PPFIA2: variants seen among roughly 807,000 people sequenced by gnomAD.
PPFIA2 encodes liprin-alpha-2.
PPFIA2 carries 46 observed loss-of-function variants against 175.5 expected under a neutral mutation model. The ratio of observed to expected loss-of-function variants is 0.26; its 90% CI spans 0.21 to 0.34. The LOEUF (loss-of-function observed/expected upper bound fraction) is 0.34, where lower values mean the gene tolerates loss of function less well. Ranked by LOEUF, PPFIA2 falls within the 10% of genes least tolerant of loss-of-function variation. The pLI, the probability that PPFIA2 is intolerant of heterozygous loss-of-function variation, is 1.00. For missense variants in PPFIA2, 1,179 were observed against 1,506.1 expected (o/e 0.78, Z 3.60); for synonymous variants, 568 against 511.4 (o/e 1.11, Z -1.49).
intron 4 of PPFIA2, among the ~76,000 whole-genome samples, chr12:81,642,292 A>G (rs573741136): frequency 3.9e-5 from 6 of 152,034 alleles, no homozygotes; most frequent in Non-Finnish European, 7.4e-5. Context: ...GATTAGCTCC[A>G]GTTATAGAAC....
chr12:81,589,800 C>T (rs1191845486), intron 4 of PPFIA2, among the ~76,000 whole-genome samples: 2 of 151,962 alleles, frequency 1.3e-5, no homozygotes, highest in Non-Finnish European at 1.5e-5. Context: ...ATCATGACAA[C>T]TCATCTGCAT....
At chr12:81,340,556 CTT>C (rs1156950104) in intron 20 of PPFIA2, among the ~76,000 whole-genome samples, 1 of 152,028 alleles carries the variant, frequency 6.6e-6, no homozygotes, top group Non-Finnish European at 1.5e-5. Flanking sequence ...TCCATCTAGA[CTT>C]ATCTTTTTAT....
At chr12:81,422,457 G>A (rs1272603079) in intron 7 of PPFIA2, among the ~76,000 whole-genome samples, 3 of 152,058 alleles carry the variant, frequency 2.0e-5, no homozygotes, top group Admixed American at 2.0e-4. Context: ...GGAAAGCAGA[G>A]TGAAAAACCT....
intron 16 of PPFIA2, among the ~76,000 whole-genome samples, chr12:81,357,780 T>C (rs1176454592): frequency 6.6e-6 from 1 of 152,148 alleles, no homozygotes; most frequent in Non-Finnish European, 1.5e-5. Context: ...ATTACTTTGC[T>C]ACCTGTGCAA....
chr12:81,499,704 T>G (rs1212027879), intron 4 of PPFIA2, among the ~76,000 whole-genome samples: 4 of 152,080 alleles, frequency 2.6e-5, no homozygotes. Flanking sequence ...AGCTGGTTAG[T>G]AAATGAGTAG....
chr12:81,647,399 A>G (rs1346899724), intron 4 of PPFIA2, among the ~76,000 whole-genome samples: 1 of 152,186 alleles, frequency 6.6e-6, no homozygotes, highest in Non-Finnish European at 1.5e-5. Context: ...CATACATTCA[A>G]AAAGTTCAGA....
At chr12:81,598,305 C>A (rs964262678) in intron 4 of PPFIA2, 6 of 1,190,418 alleles carry the variant, frequency 5.0e-6, no homozygotes, top group Non-Finnish European at 6.3e-6. Context: ...AGGAAAAAAG[C>A]AAGAACCAAC....
chr12:81,472,948 T>C (rs1197119313), intron 4 of PPFIA2: 10 of 152,146 alleles, frequency 6.6e-5, no homozygotes, highest in Admixed American at 6.5e-4. Context: ...AAAAAATATA[T>C]AAAATTACTC....
At chr12:81,716,489 T>C (rs1310972489) in intron 3 of PPFIA2, among the ~76,000 whole-genome samples, 1 of 151,366 alleles carries the variant, frequency 6.6e-6, no homozygotes, top group South Asian at 2.1e-4. Flanking sequence ...TCCATGGTGA[T>C]TGAGATTCTA....
intron 4 of PPFIA2, among the ~76,000 whole-genome samples, chr12:81,461,708 A>G (rs2054566585): frequency 6.6e-6 from 1 of 152,096 alleles, no homozygotes; most frequent in Non-Finnish European, 1.5e-5. Context: ...CTACTGTGAA[A>G]CATTTCTCTT....
At chr12:81,629,389 C>G (rs1310260617) in intron 4 of PPFIA2, among the ~76,000 whole-genome samples, 1 of 152,132 alleles carries the variant, frequency 6.6e-6, no homozygotes, top group Non-Finnish European at 1.5e-5. Flanking sequence ...GTCTTTTTAA[C>G]AGTTAGAAAC....
chr12:81,353,240 C>A lies in PPFIA2; in HGVS notation c.1873G>T (p.Asp625Tyr), dbSNP rs1398942934. 5.0e-6 allele frequency: 8 copies of A among 1,613,642 alleles called. No individual in the cohort carries two copies. The East Asian group carries it at 1.6e-4, about 31-fold the overall frequency. The part of the protein sequence containing the change: ...ESDTEMSDID[D>Y]DDRETIFSSM... ...CTAAAAATTGTTTCTCTGTCATCAT[C>A]ATCAATATCAGACATTTCAGTGTCA... The change falls in exon 17 of 33, where the codon GAT (aspartate) becomes TAT (tyrosine). Residue 625 changes from aspartate (D) to tyrosine (Y), a missense_variant. This residue lies in a region of PPFIA2 where 186 missense variants were observed against 163.6 expected (regional missense o/e 1.14). Coordinates refer to ENST00000549396, the MANE Select transcript of PPFIA2 (RefSeq NM_003625.5).
rs568756056 is a variant in PPFIA2 at position 81,569,883 on chromosome 12, A to G, written c.303+106908T>C. On this transcript the variant is annotated intron_variant, in intron 4 of 32. Coordinates refer to ENST00000549396, the MANE Select transcript of PPFIA2 (RefSeq NM_003625.5). ...TTAGAAATGATTATGTCAACCATCC[A>G]AGGTTACAAAGCTGGTAATAGGCAG... Among the ~76,000 whole-genome samples the G allele has an allele frequency of 2.0e-3, 309 of 152,274 alleles. 1 individual carries two copies. The highest frequency in any genetic ancestry group is 7.2e-3 in the African/African-American group (300 of 41,570).
chr12:81,382,123 G>A (rs2037860041), intron 9 of PPFIA2, among the ~76,000 whole-genome samples: 1 of 152,034 alleles, frequency 6.6e-6, no homozygotes, highest in African/African-American at 2.4e-5. Flanking sequence ...GTGTATATGT[G>A]TAAATAACAA....
At chr12:81,614,740 T>C (rs1045589267) in intron 4 of PPFIA2, among the ~76,000 whole-genome samples, 2 of 152,180 alleles carry the variant, frequency 1.3e-5, no homozygotes, top group Non-Finnish European at 2.9e-5. Flanking sequence ...AATGACCCCA[T>C]AGTTACCATT....
At chr12:81,421,916 A>T (rs2046308625) in intron 7 of PPFIA2, among the ~76,000 whole-genome samples, 1 of 151,818 alleles carries the variant, frequency 6.6e-6, no homozygotes, top group South Asian at 2.1e-4. Context: ...TGCTTATATC[A>T]TGAAAAGTTA....
intron 4 of PPFIA2, among the ~76,000 whole-genome samples, chr12:81,644,420 T>C (rs780210045): frequency 9.3e-4 from 142 of 152,142 alleles, no homozygotes; most frequent in East Asian, 7.7e-4. Flanking sequence ...TATTCATAGT[T>C]CCTGATAGCT....
At chr12:81,477,007 A>G (rs181483284) in intron 4 of PPFIA2, among the ~76,000 whole-genome samples, 2 of 152,224 alleles carry the variant, frequency 1.3e-5, no homozygotes, top group Admixed American at 6.5e-5. Flanking sequence ...GAGCTGAACA[A>G]TGAGAACACA....
intron 4 of PPFIA2, chr12:81,505,559 G>A (rs1257551067): frequency 6.6e-6 from 1 of 152,158 alleles, no homozygotes; most frequent in Non-Finnish European, 1.5e-5. Context: ...GCAATGTCTA[G>A]CAATTGATTG....
Sources: allele counts gnomAD v4.1 joint callset (sites outside exome capture counted in the v4.1 genomes callset), GRCh38; gene constraint gnomAD v4.1.1; regional missense constraint gnomAD v4.1.1; transcripts MANE v1.5; gene names NCBI Gene and HGNC (gene_info 2026-07-23, HGNC 2026-07-21).